The following ITPR2 variants were observed in gnomAD, a reference collection of about 807,000 sequenced individuals.
ITPR2 encodes the protein inositol 1,4,5-trisphosphate-gated calcium channel ITPR2.
In ITPR2, 207 loss-of-function variants were observed where a neutral mutation model predicts 317.1. That is an observed-to-expected ratio of 0.65 (90% CI 0.58 to 0.73). The LOEUF (loss-of-function observed/expected upper bound fraction) is 0.73, where lower values mean the gene tolerates loss of function less well. ITPR2 is among the 30% of genes least tolerant of loss of function. The pLI is 0.00. For missense variants in ITPR2, 2,613 were observed against 3,284.0 expected, an observed-to-expected ratio of 0.80 and a Z score of 4.99; for synonymous variants, 1,156 against 1,149.1, an observed-to-expected ratio of 1.01 and a Z score of -0.12.
intron 55 of ITPR2, among the ~76,000 whole-genome samples, chr12:26,356,783 G>A (rs1303030980): frequency 1.3e-5 from 2 of 152,212 alleles, no homozygotes; most frequent in Non-Finnish European, 2.9e-5. Flanking sequence ...CTGGCCTCAA[G>A]TGATCCTCTT....
chr12:26,678,685 T>C (rs368807258), intron 13 of ITPR2, among the ~76,000 whole-genome samples: 2 of 152,210 alleles, frequency 1.3e-5, no homozygotes, highest in Non-Finnish European at 2.9e-5. Flanking sequence ...TACCTTCATA[T>C]TTCTTAGGCA....
At chr12:26,756,322 C>A (rs1357997520) in intron 2 of ITPR2, among the ~76,000 whole-genome samples, 3 of 151,996 alleles carry the variant, frequency 2.0e-5, no homozygotes, top group African/African-American at 4.8e-5. Flanking sequence ...AGAAAAAAAA[C>A]AAAATGGATG....
intron 21 of ITPR2, among the ~76,000 whole-genome samples, chr12:26,636,861 G>C (rs529035944): frequency 7.2e-5 from 11 of 152,272 alleles, no homozygotes; most frequent in Admixed American, 2.0e-4. Flanking sequence ...GGAAGTGGCA[G>C]AGTCTCAAGT....
chr12:26,458,402 T>C (rs566066152), intron 45 of ITPR2, among the ~76,000 whole-genome samples: 5 of 152,188 alleles, frequency 3.3e-5, no homozygotes, highest in East Asian at 1.9e-4. Context: ...CCCTGCAACA[T>C]AGCACACTCA....
intron 37 of ITPR2, among the ~76,000 whole-genome samples, chr12:26,526,250 A>G (rs923231852): frequency 6.6e-6 from 1 of 152,210 alleles, no homozygotes; most frequent in African/African-American, 2.4e-5. Flanking sequence ...GAACTGGGGG[A>G]AGTTATTTTA....
intron 55 of ITPR2, among the ~76,000 whole-genome samples, chr12:26,344,388 C>T (rs1022910679): frequency 4.6e-5 from 7 of 151,942 alleles, no homozygotes; most frequent in Non-Finnish European, 1.0e-4. Flanking sequence ...TAAGAAGGTA[C>T]CAGGAATGTG....
At chr12:26,812,478 C>G (rs891326971) in intron 1 of ITPR2, among the ~76,000 whole-genome samples, 2 of 151,990 alleles carry the variant, frequency 1.3e-5, no homozygotes, top group African/African-American at 4.8e-5. Flanking sequence ...ACTCGGGAGG[C>G]TGAGGCAGGA....
At chr12:26,690,435 C>A (rs1167369208) in intron 10 of ITPR2, among the ~76,000 whole-genome samples, 1 of 152,154 alleles carries the variant, frequency 6.6e-6, no homozygotes, top group Non-Finnish European at 1.5e-5. Flanking sequence ...GTCTCCTGCA[C>A]CCCAATATTC....
chr12:26,595,720 A>G, intron 31 of ITPR2, 130 bp from the exon 32 acceptor site: 1 of 749,538 alleles, frequency 1.3e-6, no homozygotes, highest in Non-Finnish European at 2.0e-6. Flanking sequence ...GTCTATCCAG[A>G]AAGTATTCTC....
At chr12:26,660,431 C>T (rs1015865394) in intron 15 of ITPR2, among the ~76,000 whole-genome samples, 3 of 152,208 alleles carry the variant, frequency 2.0e-5, no homozygotes, top group Non-Finnish European at 2.9e-5. Flanking sequence ...GTGAGCTTCT[C>T]CCCCTTCCAC....
At chr12:26,466,347 T>C (rs1417270246) in intron 45 of ITPR2, among the ~76,000 whole-genome samples, 3 of 152,216 alleles carry the variant, frequency 2.0e-5, no homozygotes, top group Non-Finnish European at 2.9e-5. Flanking sequence ...ATGAATACTA[T>C]AGGTATCAAT....
intron 45 of ITPR2, among the ~76,000 whole-genome samples, chr12:26,455,165 CG>C (rs1591799592): frequency 6.6e-6 from 1 of 151,526 alleles, no homozygotes; most frequent in Non-Finnish European, 1.5e-5. Flanking sequence ...GATGTAAAAT[CG>C]GGGGTGGAAT....
chr12:26,507,062 G>A (rs1165342912), intron 37 of ITPR2, among the ~76,000 whole-genome samples: 1 of 151,880 alleles, frequency 6.6e-6, no homozygotes, highest in Non-Finnish European at 1.5e-5. Context: ...ATCATTTCTT[G>A]CATCTATTTG....
At chr12:26,355,903 G>C (rs1432840224) in intron 55 of ITPR2, among the ~76,000 whole-genome samples, 2 of 152,116 alleles carry the variant, frequency 1.3e-5, no homozygotes, top group Non-Finnish European at 2.9e-5. Context: ...GATGTGCCAG[G>C]TTGCACTGAA....
chr12:26,339,497 G>T lies in ITPR2; in HGVS notation c.8020-14C>A. 6.2e-7 allele frequency: 1 copy of T among 1,610,088 alleles called. No individual in the cohort carries two copies. Among genetic ancestry groups the T allele is most frequent in the Non-Finnish European group, 8.5e-7 (1 of 1,176,586 alleles). Reference sequence around the variant, plus strand: ...TTGTTCTGTCATCTGGGGGAAAAGAGAGAGTGTGTGTTCAGCGGATTTTCT... The same window carrying T: ...TTGTTCTGTCATCTGGGGGAAAAGATAGAGTGTGTGTTCAGCGGATTTTCT... On this transcript the variant is annotated splice_polypyrimidine_tract_variant and intron_variant, in intron 56 of 56. Coordinates refer to ENST00000381340, the MANE Select transcript of ITPR2 (RefSeq NM_002223.4).
chr12:26,492,387 C>T (rs1031122091), intron 39 of ITPR2, among the ~76,000 whole-genome samples: 1 of 151,590 alleles, frequency 6.6e-6, no homozygotes, highest in African/African-American at 2.4e-5. Context: ...ATCTGGTGAC[C>T]CTTAGTGGCC....
In ITPR2 at chr12:26,495,253, G is replaced by A. The variant is rs756822940; in HGVS notation, c.5081C>T (p.Thr1694Ile). The A allele has an allele frequency of 7.9e-6, 12 of 1,528,136 alleles. No individual in the cohort carries two copies. The highest frequency in any genetic ancestry group is 1.0e-5 in the Non-Finnish European group (11 of 1,104,604). The allele number at this position is 1,528,136 out of a possible 1,614,324, so 94.7% of individuals were successfully genotyped here. Residue 1694 changes from threonine (T) to isoleucine (I), a missense_variant, in exon 38 of 57, where the codon ACA (threonine) becomes ATA (isoleucine). Physicochemically the swap from Thr to Ile is moderately conservative, Grantham distance 89. Transcript: ENST00000381340. Reference sequence around the variant, plus strand: ...TCGATTCAGAAGTATCTTTCTTAATGTGTTACCCTAATAAGAAGGATAACA... The same window carrying A: ...TCGATTCAGAAGTATCTTTCTTAATATGTTACCCTAATAAGAAGGATAACA... ...KKDSFVEEGN[T>I]LRKILLNRYF...
intron 16 of ITPR2, among the ~76,000 whole-genome samples, chr12:26,658,653 C>T (rs1947427613): frequency 6.6e-6 from 1 of 152,246 alleles, no homozygotes; most frequent in Non-Finnish European, 1.5e-5. Flanking sequence ...GATAAGGCAG[C>T]ATGGTACAAC....
chr12:26,478,755 A>G (rs1264322640), intron 43 of ITPR2, among the ~76,000 whole-genome samples: 1 of 152,086 alleles, frequency 6.6e-6, no homozygotes, highest in Non-Finnish European at 1.5e-5. Flanking sequence ...AAAAAACAAA[A>G]CAAAACAAAT....
Sources: allele counts gnomAD v4.1 joint callset (sites outside exome capture counted in the v4.1 genomes callset), GRCh38; gene constraint gnomAD v4.1.1; transcripts MANE v1.5; gene names NCBI Gene and HGNC (gene_info 2026-07-23, HGNC 2026-07-21).